Variants in ALS2 observed in about 807,000 individuals in gnomAD.
ALS2 encodes alsin Rho guanine nucleotide exchange factor ALS2.
A neutral mutation model predicts 203.4 loss-of-function variants in ALS2; 117 were observed. That is an observed-to-expected ratio of 0.58 (90% CI 0.50 to 0.67). The LOEUF is 0.67. ALS2 is among the 30% of genes least tolerant of loss of function. ALS2 has a pLI of 0.00. For missense variants in ALS2, 1,715 were observed against 1,989.4 expected, an observed-to-expected ratio of 0.86 and a Z score of 2.62; for synonymous variants, 718 against 725.9, an observed-to-expected ratio of 0.99 and a Z score of 0.17.
At position 201,738,704 on chromosome 2, in the gene ALS2, T is replaced by C; in HGVS notation, c.2383A>G (p.Met795Val). 6.2e-7 allele frequency: 1 copy of C among 1,614,086 alleles called. No homozygotes were observed. Among genetic ancestry groups the C allele is most frequent in the Non-Finnish European group, 8.5e-7 (1 of 1,179,970 alleles). The change falls in exon 12 of 34, where the codon ATG becomes GTG. Residue 795 changes from methionine to valine, a missense_variant. By Grantham distance (21) the Met-to-Val change is conservative. This residue lies in a region of ALS2 where 1,227 missense variants were observed against 1,413.5 expected (regional missense o/e 0.87). Coordinates refer to ENST00000264276, the MANE Select transcript of ALS2 (RefSeq NM_020919.4). ...TTAGCAAGAAGCTGGAATCCTCCCA[T>C]AACCAGGAAATTTGTAATAGATGTG... ...YCTSITNFLV[M>V]GGFQLLAKPA...
chr2:201,707,769 G>A, intron 28 of ALS2, 100 bp downstream of exon 28: 1 of 1,484,198 alleles, frequency 6.7e-7, no homozygotes, highest in Non-Finnish European at 9.3e-7. Flanking sequence ...TAGAAATGAG[G>A]AAATAGATCT....
chr2:201,737,725 C>G (rs1691971660), intron 12 of ALS2, among the ~76,000 whole-genome samples: 1 of 151,976 alleles, frequency 6.6e-6, no homozygotes, highest in Non-Finnish European at 1.5e-5. Context: ...GGTTTGAGAC[C>G]AGCTTGGTCA....
At chr2:201,734,958 T>A (rs1300727428) in intron 12 of ALS2, among the ~76,000 whole-genome samples, 1 of 152,174 alleles carries the variant, frequency 6.6e-6, no homozygotes, top group Non-Finnish European at 1.5e-5. Context: ...AACCTAAGTG[T>A]CCATCAGCAG....
chr2:201,773,812 G>A (rs2106114113), intron 1 of ALS2, among the ~76,000 whole-genome samples: 1 of 152,320 alleles, frequency 6.6e-6, no homozygotes, highest in South Asian at 2.1e-4. Context: ...ATCGGACAAA[G>A]AGGACTGAGA....
At chr2:201,728,769 C>A (rs929409441) in intron 14 of ALS2, 129 bp from the exon 15 acceptor site, 5 of 1,195,148 alleles carry the variant, frequency 4.2e-6, no homozygotes, top group South Asian at 1.5e-5. Flanking sequence ...GGTGTAAAAT[C>A]TAAATTTATA....
At chr2:201,758,530 T>G (rs527303233) in intron 4 of ALS2, among the ~76,000 whole-genome samples, 1 of 152,304 alleles carries the variant, frequency 6.6e-6, no homozygotes, top group East Asian at 1.9e-4. Flanking sequence ...TTTTCTGATA[T>G]CTTAATGAAA....
chr2:201,745,352 T>C (rs1263512440), intron 9 of ALS2, among the ~76,000 whole-genome samples: 1 of 152,116 alleles, frequency 6.6e-6, no homozygotes, highest in African/African-American at 2.4e-5. Context: ...TTGGTCCCAA[T>C]GTTACCTTTA....
intron 3 of ALS2, among the ~76,000 whole-genome samples, chr2:201,765,100 C>T (rs1445078760): frequency 6.6e-6 from 1 of 152,034 alleles, no homozygotes; most frequent in East Asian, 1.9e-4. Flanking sequence ...CAGACTCAAG[C>T]TATCCTCCTG....
In ALS2 at chr2:201,738,540, A is replaced by C. The variant is rs140118933; in HGVS notation, c.2417+130T>G. 207 of 872,498 alleles carry C rather than the reference A, an allele frequency of 2.4e-4. 1 individual carries two copies. The African/African-American group carries it at 3.0e-3, about 13-fold the overall frequency. The allele number at this position is 872,498 out of a possible 1,614,324, so 54.0% of individuals were successfully genotyped here. On this transcript the variant is annotated intron_variant, in intron 12 of 33. Coordinates refer to ENST00000264276, the MANE Select transcript of ALS2 (RefSeq NM_020919.4). ...TACCTGTCCTTTATAAGACTTACTG[A>C]AAGTTTATATTTTGACTTGTTTGGT...
chr2:201,728,345 GTTTGGTTT>G (rs1221788167), intron 15 of ALS2, among the ~76,000 whole-genome samples, 159 bp downstream of exon 15: 1 of 152,114 alleles, frequency 6.6e-6, no homozygotes, highest in African/African-American at 2.4e-5. Context: ...AACATGCAGT[GTTTGGTTT>G]TTTGTCCTTG....
At chr2:201,744,218 C>T in intron 10 of ALS2, 40 bp downstream of exon 10, 2 of 1,582,318 alleles carry the variant, frequency 1.3e-6, no homozygotes, top group Non-Finnish European at 8.7e-7. Context: ...AGATAAAGAC[C>T]TGATGGTTTA....
intron 1 of ALS2, among the ~76,000 whole-genome samples, chr2:201,770,695 A>G (rs1264189844): frequency 6.6e-6 from 1 of 152,166 alleles, no homozygotes; most frequent in African/African-American, 2.4e-5. Context: ...AGAGGGAGGC[A>G]GGAGGAGAAT....
At chr2:201,739,599 T>C (rs565493240) in intron 11 of ALS2, among the ~76,000 whole-genome samples, 1 of 151,934 alleles carries the variant, frequency 6.6e-6, no homozygotes, top group East Asian at 1.9e-4. Context: ...AAAAATTAGC[T>C]GGGCGCGGTG....
intron 28 of ALS2, 135 bp downstream of exon 28, chr2:201,707,734 C>T: frequency 1.6e-6 from 2 of 1,215,282 alleles, no homozygotes; most frequent in Admixed American, 3.7e-5. Context: ...TGGCCCCAAC[C>T]CTCCTGGCCC....
chr2:201,771,124 G>GC (rs1191985532), intron 1 of ALS2, among the ~76,000 whole-genome samples: 1 of 137,324 alleles, frequency 7.3e-6, no homozygotes, highest in Non-Finnish European at 1.5e-5. Flanking sequence ...TCGGTTCATT[G>GC]CAACCTCCGC....
intron 27 of ALS2, among the ~76,000 whole-genome samples, chr2:201,709,625 C>A (rs146694827): frequency 8.7e-4 from 133 of 152,184 alleles, no homozygotes; most frequent in Non-Finnish European, 1.6e-3. Context: ...ATACTTCATA[C>A]CAAAATTAGA....
chr2:201,701,852 T>G lies in ALS2; in HGVS notation c.4973A>C (p.Ter1658SerextTer3), dbSNP rs1689410295. ...CCAGTTTTCAAGCTGTTATGCAGCC[T>G]AGTTAAGCTTCTCACGCTGAATCTG... ...YYQIQREKLN[*>S] The change falls in exon 34 of 34, where the codon TAG (stop) becomes TCG (serine). Residue 1658 changes from the stop codon to serine, a stop_lost. Coordinates refer to ENST00000264276, the MANE Select transcript of ALS2 (RefSeq NM_020919.4). 6.2e-7 allele frequency: 1 copy of G among 1,613,626 alleles called. No homozygotes were observed. The highest frequency in any genetic ancestry group is 1.7e-5 in the Admixed American group (1 of 59,982).
intron 12 of ALS2, among the ~76,000 whole-genome samples, chr2:201,736,731 T>C (rs1225686968): frequency 2.6e-5 from 4 of 151,558 alleles, no homozygotes; most frequent in Non-Finnish European, 4.4e-5. Flanking sequence ...AAATGAATAA[T>C]CGTAAGAATG....
intron 16 of ALS2, 22 bp downstream of exon 16, chr2:201,727,683 T>TGGGCGGGGGGGGGGG: frequency 1.1e-6 from 1 of 951,276 alleles, no homozygotes; most frequent in Non-Finnish European, 1.5e-6. Context: ...CGGGGTGGGG[T>TGGGCGGGGGGGGGGG]GGGGAGGGGG....
Sources: allele counts gnomAD v4.1 joint callset (sites outside exome capture counted in the v4.1 genomes callset), GRCh38; gene constraint gnomAD v4.1.1; regional missense constraint gnomAD v4.1.1; transcripts MANE v1.5; gene names NCBI Gene and HGNC (gene_info 2026-07-23, HGNC 2026-07-21).